Variants in INPP5D observed in about 807,000 individuals in gnomAD.
INPP5D encodes inositol polyphosphate-5-phosphatase D.
Under a neutral mutation model 122.9 loss-of-function variants are expected in INPP5D, and 33 were observed. The observed-to-expected ratio is 0.27, with a 90% confidence interval of 0.20 to 0.36. INPP5D has a LOEUF of 0.36. INPP5D is among the 10% of genes least tolerant of loss of function. INPP5D has a pLI of 1.00. For missense variants in INPP5D, 1,053 were observed against 1,412.7 expected (o/e 0.75, Z 4.08); for synonymous variants, 584 against 576.2 (o/e 1.01, Z -0.19).
chr2:233,130,969 CT>C, intron 5 of INPP5D: 1 of 491,166 alleles, frequency 2.0e-6, no homozygotes, highest in South Asian at 1.7e-5. Context: ...AAGATTTTTG[CT>C]GCTGCTCTTG....
At chr2:233,176,807 G>A (rs1694652844) in intron 17 of INPP5D, among the ~76,000 whole-genome samples, 1 of 151,654 alleles carries the variant, frequency 6.6e-6, no homozygotes, top group Non-Finnish European at 1.5e-5. Flanking sequence ...TGGGTAGGTG[G>A]ATGGATGGAT....
intron 1 of INPP5D, among the ~76,000 whole-genome samples, chr2:233,069,352 A>C (rs898875326): frequency 1.3e-5 from 2 of 152,210 alleles, no homozygotes; most frequent in African/African-American, 2.4e-5. Context: ...CTTTAGAGTC[A>C]CTTTAAAAAA....
chr2:233,120,277 A>G (rs752060702), intron 2 of INPP5D, among the ~76,000 whole-genome samples: 2 of 152,184 alleles, frequency 1.3e-5, no homozygotes, highest in Non-Finnish European at 2.9e-5. Flanking sequence ...TGAGGTCAGG[A>G]TTTCGAGACC....
At chr2:233,072,234 CTGAG>C (rs923329952) in intron 1 of INPP5D, among the ~76,000 whole-genome samples, 5 of 152,164 alleles carry the variant, frequency 3.3e-5, no homozygotes, top group African/African-American at 1.2e-4. Context: ...TTCTGAAGGA[CTGAG>C]TATTTAATTT....
chr2:233,092,535 CG>C (rs1301762143), intron 2 of INPP5D, among the ~76,000 whole-genome samples: 1 of 152,004 alleles, frequency 6.6e-6, no homozygotes, highest in East Asian at 1.9e-4. Flanking sequence ...GCCATCTATA[CG>C]GGTGTGAGGT....
chr2:233,085,243 G>A (rs13002150), intron 2 of INPP5D, among the ~76,000 whole-genome samples: 8,576 of 152,098 alleles, frequency 0.056, 358 homozygotes, highest in Non-Finnish European at 0.086. Context: ...AAACTTAGTC[G>A]GGTGTGGTGG....
chr2:233,137,832 CAAAAA>C (rs746005379), intron 5 of INPP5D, among the ~76,000 whole-genome samples: 8 of 10,146 alleles, frequency 7.9e-4, no homozygotes, highest in Admixed American at 1.7e-3. Context: ...AACTCCATCA[CAAAAA>C]AAAAAAAAAA....
intron 4 of INPP5D, among the ~76,000 whole-genome samples, chr2:233,127,831 C>T (rs1250603569): frequency 1.3e-5 from 2 of 152,208 alleles, no homozygotes; most frequent in African/African-American, 2.4e-5. Flanking sequence ...TAGTCTCGAA[C>T]TCCCAACCTG....
intron 1 of INPP5D, among the ~76,000 whole-genome samples, chr2:233,064,768 A>C (rs112239071): frequency 0.013 from 1,999 of 152,338 alleles, 23 homozygotes; most frequent in Non-Finnish European, 0.02. Flanking sequence ...ATGGAGCCGC[A>C]GAGAAGGGAC....
chr2:233,147,453 C>T lies in INPP5D; in HGVS notation c.907-18C>T, dbSNP rs988611834. 7 of 703,938 alleles carry T rather than the reference C, an allele frequency of 9.9e-6. No homozygotes were observed. The highest frequency in any genetic ancestry group is 1.7e-5 in the African/African-American group (1 of 57,254). 43.6% of individuals were successfully genotyped at this position (703,938 alleles called of 1,614,324 possible). A position where few individuals can be genotyped will look rare whatever the true frequency, so the allele number is the denominator to read the frequency against. On this transcript the variant is annotated intron_variant, in intron 8 of 26. Coordinates refer to ENST00000445964, the MANE Select transcript of INPP5D (RefSeq NM_001017915.3). Reference sequence around the variant, plus strand: ...CCAGGCAGAAAATCAATCAGTGACACATCTCTTCTCTTCTAAGGTGAAGGC... The same window carrying T: ...CCAGGCAGAAAATCAATCAGTGACATATCTCTTCTCTTCTAAGGTGAAGGC...
intron 9 of INPP5D, 89 bp downstream of exon 9, chr2:233,147,683 GCAGGTCTGTCTT>G (rs1384803592): frequency 1.5e-6 from 1 of 677,974 alleles, no homozygotes; most frequent in Non-Finnish European, 2.7e-6. Flanking sequence ...GGCCTGCCCT[GCAGGTCTGTCTT>G]CCGCACGCAT....
chr2:233,125,854 C>G lies in INPP5D; in HGVS notation c.459C>G (p.Thr153=). The G allele has an allele frequency of 1.9e-6, 3 of 1,613,706 alleles. No homozygotes were observed. Among genetic ancestry groups the G allele is most frequent in the Non-Finnish European group, 2.5e-6 (3 of 1,179,798 alleles). Residue 153 remains threonine, a synonymous_variant, in exon 4 of 27, where the codon ACC becomes ACG. Transcript: ENST00000445964. The stretch of plus-strand genomic sequence containing the variant: ...TTTCAAACGAGAATCCCCGAGCGAC[C>G]GAGACCAGCCGGCCGAGCCTCTCCG... ...VPFSNENPRA[T]ETSRPSLSET... is the part of the protein sequence containing the mutation.
chr2:233,172,726 C>T (rs541441081), intron 17 of INPP5D, among the ~76,000 whole-genome samples: 1 of 152,286 alleles, frequency 6.6e-6, no homozygotes, highest in Admixed American at 6.5e-5. Flanking sequence ...CATTAGGTGA[C>T]TTCGTCATTG....
chr2:233,163,956 G>A (rs957133675), intron 12 of INPP5D, 53 bp downstream of exon 12: 2 of 1,588,950 alleles, frequency 1.3e-6, no homozygotes, highest in Non-Finnish European at 1.7e-6. Flanking sequence ...TCTTTGCTCG[G>A]CTGGGCTGTC....
chr2:233,200,282 C>T (rs1346515971), intron 25 of INPP5D, among the ~76,000 whole-genome samples: 1 of 152,182 alleles, frequency 6.6e-6, no homozygotes, highest in African/African-American at 2.4e-5. Context: ...CTCGTGGATA[C>T]ACAAGTGGGG....
intron 12 of INPP5D, 54 bp downstream of exon 12, chr2:233,163,957 C>A: frequency 6.3e-7 from 1 of 1,586,874 alleles, no homozygotes; most frequent in Non-Finnish European, 8.6e-7. Context: ...CTTTGCTCGG[C>A]TGGGCTGTCT....
chr2:233,069,035 A>G (rs1480364865), intron 1 of INPP5D, among the ~76,000 whole-genome samples: 2 of 152,228 alleles, frequency 1.3e-5, no homozygotes, highest in African/African-American at 4.8e-5. Flanking sequence ...GCTGAGGACG[A>G]TGGAAGGAGC....
At position 233,105,593 on chromosome 2, in the gene INPP5D, G is replaced by A. The variant is rs941867042; in HGVS notation, c.199-16514G>A. The stretch of plus-strand genomic sequence containing the variant: ...TGGGTCTGTGTTGGTCCCTGATGCC[G>A]GGGGCTGAGCCGGGGGGAAGAGAGC... On this transcript the variant is annotated intron_variant, in intron 2 of 26. Transcript: ENST00000445964. This position sits in a 1 kb window ranked among gnomAD's most constrained non-coding sequence, Gnocchi z 4.0. Among the ~76,000 whole-genome samples the A allele has an allele frequency of 2.2e-4, 33 of 152,188 alleles. No individual in the cohort carries two copies. The highest frequency in any genetic ancestry group is 4.6e-4 in the Admixed American group (7 of 15,278).
chr2:233,147,646 C>G, intron 9 of INPP5D, 52 bp downstream of exon 9: 1 of 696,508 alleles, frequency 1.4e-6, no homozygotes. Context: ...CTGTGGAATT[C>G]CTGCCCTCTC....
Sources: gnomAD v4.1 joint callset for allele counts (sites outside exome capture counted in the v4.1 genomes callset) on GRCh38, gnomAD v4.1.1 for gene constraint, Gnocchi (gnomAD v3.1) non-coding constraint, MANE v1.5 for transcripts, NCBI Gene and HGNC (gene_info 2026-07-23, HGNC 2026-07-21) for gene names.